Variants in MTPAP observed in about 807,000 individuals in gnomAD.
The protein encoded by MTPAP is poly(A) RNA polymerase, mitochondrial.
MTPAP carries 23 observed loss-of-function variants against 48.7 expected under a neutral mutation model. The observed-to-expected ratio is 0.47, with a 90% CI of 0.34 to 0.67. The LOEUF is 0.67. MTPAP is among the 30% of genes least tolerant of loss of function. The probability of loss-of-function intolerance (pLI) is 0.01; values close to 1 mark genes in which losing one functional copy is unlikely to be tolerated. For missense variants in MTPAP, 614 were observed against 694.3 expected, an observed-to-expected ratio of 0.88 and a Z score of 1.30; for synonymous variants, 257 against 254.1, an observed-to-expected ratio of 1.01 and a Z score of -0.11.
At chr10:30,342,111 C>T (rs1699528955) in intron 1 of MTPAP, among the ~76,000 whole-genome samples, 1 of 152,046 alleles carries the variant, frequency 6.6e-6, no homozygotes, top group African/African-American at 2.4e-5. Context: ...TGGCGCGCGC[C>T]TGTAGTCCCA....
chr10:30,328,772 G>A (rs887710997), intron 4 of MTPAP, among the ~76,000 whole-genome samples: 23 of 152,154 alleles, frequency 1.5e-4, no homozygotes, highest in African/African-American at 5.6e-4. Context: ...AGGCAACCAT[G>A]TGGCTAAAAT....
intron 1 of MTPAP, among the ~76,000 whole-genome samples, chr10:30,347,964 A>G (rs894468423): frequency 6.6e-6 from 1 of 151,602 alleles, no homozygotes; most frequent in Non-Finnish European, 1.5e-5. Flanking sequence ...TGAACTACTC[A>G]AGCTACCCTT....
chr10:30,321,268 C>T (rs1040580453), intron 6 of MTPAP, among the ~76,000 whole-genome samples: 15 of 151,790 alleles, frequency 9.9e-5, no homozygotes, highest in Non-Finnish European at 1.6e-4. Context: ...TTTCATTTTA[C>T]TTTATTTCTT....
intron 1 of MTPAP, among the ~76,000 whole-genome samples, chr10:30,343,940 T>A (rs1314493182): frequency 2.0e-5 from 3 of 152,226 alleles, no homozygotes; most frequent in African/African-American, 7.2e-5. Flanking sequence ...CAATCTCTTA[T>A]TTCAGGCCTG....
chr10:30,330,125 C>T (rs941659905), intron 4 of MTPAP, among the ~76,000 whole-genome samples: 1 of 152,104 alleles, frequency 6.6e-6, no homozygotes, highest in African/African-American at 2.4e-5. Context: ...TTAAATAAAT[C>T]ACTGTATACA....
At chr10:30,328,124 C>T (rs1347290891) in intron 4 of MTPAP, among the ~76,000 whole-genome samples, 2 of 151,688 alleles carry the variant, frequency 1.3e-5, no homozygotes, top group Non-Finnish European at 1.5e-5. Flanking sequence ...TTTAGGCAAA[C>T]GAAAGGGAGA....
intron 5 of MTPAP, among the ~76,000 whole-genome samples, chr10:30,324,318 T>C (rs1834554400): frequency 6.6e-6 from 1 of 152,142 alleles, no homozygotes; most frequent in African/African-American, 2.4e-5. Context: ...GAGACCACCC[T>C]AGGTAACATA....
chr10:30,327,760 C>G (rs1834616014), intron 4 of MTPAP, among the ~76,000 whole-genome samples: 1 of 149,936 alleles, frequency 6.7e-6, no homozygotes, highest in South Asian at 2.1e-4. Context: ...GCAAGAGAAT[C>G]ACTTGAACCT....
chr10:30,342,706 T>C (rs1834826661), intron 1 of MTPAP, among the ~76,000 whole-genome samples: 1 of 152,220 alleles, frequency 6.6e-6, no homozygotes, highest in Non-Finnish European at 1.5e-5. Flanking sequence ...TGTTTTGACA[T>C]AAGCTATTAA....
Position 30,347,345 on chromosome 10 carries a change from G to A in MTPAP, c.157+1774C>T, listed in dbSNP as rs554487036. Among the ~76,000 whole-genome samples, 16 of 152,282 alleles carry A rather than the reference G, an allele frequency of 1.1e-4. No individual in the cohort carries two copies. In the South Asian group the frequency reaches 3.1e-3, roughly 30 times the overall value. ...TAAACTGGTAATGAATCCTCACACT[G>A]AATGAAAAACTGAATTGGATATTTC... On this transcript the variant is annotated intron_variant, in intron 1 of 8. Coordinates refer to ENST00000263063, the MANE Select transcript of MTPAP (RefSeq NM_018109.4).
chr10:30,321,962 C>T (rs1044418561), intron 6 of MTPAP, among the ~76,000 whole-genome samples: 3 of 152,190 alleles, frequency 2.0e-5, no homozygotes, highest in Non-Finnish European at 4.4e-5. Context: ...ATATGCTTTT[C>T]ATTAAAAACA....
intron 3 of MTPAP, among the ~76,000 whole-genome samples, chr10:30,337,685 A>C (rs1347369394): frequency 6.6e-6 from 1 of 152,236 alleles, no homozygotes; most frequent in Non-Finnish European, 1.5e-5. Context: ...ATGAGTATAA[A>C]GTATTGTTTT....
In MTPAP at chr10:30,313,828, T is replaced by C. The variant is rs1333271933; in HGVS notation, c.1530A>G (p.Gln510=). ...DLARESAWIL[Q]QEDTDRPSIS... ...TGGAAGGTCGATCTGTATCTTCCTG[T>C]TGTAAAATCCAGGCACTTTCTCGGG... The change falls in exon 9 of 9, where the codon CAA becomes CAG. Residue 510 remains glutamine (Q), a synonymous_variant. Transcript: ENST00000263063. 3 of 1,614,102 alleles carry C rather than the reference T, an allele frequency of 1.9e-6. No homozygotes were observed. The highest frequency in any genetic ancestry group is 2.5e-6 in the Non-Finnish European group (3 of 1,180,036).
chr10:30,330,652 A>C (rs1293632886), intron 4 of MTPAP, among the ~76,000 whole-genome samples: 1 of 152,200 alleles, frequency 6.6e-6, no homozygotes, highest in East Asian at 1.9e-4. Context: ...TAGTTATTGA[A>C]GCTGCTCACC....
chr10:30,317,448 C>T (rs1264555788), intron 6 of MTPAP, among the ~76,000 whole-genome samples: 4 of 152,166 alleles, frequency 2.6e-5, no homozygotes, highest in East Asian at 1.9e-4. Context: ...AATAACAGCA[C>T]GTTAGACTCA....
intron 5 of MTPAP, among the ~76,000 whole-genome samples, chr10:30,323,469 A>AG (rs1554817497): frequency 1.3e-5 from 2 of 151,550 alleles, no homozygotes; most frequent in South Asian, 2.1e-4. Context: ...AAAAAAAAAA[A>AG]AAAAGAAATA....
chr10:30,318,927 T>C (rs976396941), intron 6 of MTPAP, among the ~76,000 whole-genome samples: 3 of 151,994 alleles, frequency 2.0e-5, no homozygotes, highest in African/African-American at 7.3e-5. Context: ...TACCAAGAGC[T>C]TGGAAACCAA....
intron 6 of MTPAP, among the ~76,000 whole-genome samples, chr10:30,319,950 T>C (rs1840702615): frequency 1.3e-5 from 2 of 152,312 alleles, no homozygotes; most frequent in South Asian, 4.1e-4. Context: ...GATGTGAACA[T>C]ATTTAAATGT....
intron 6 of MTPAP, among the ~76,000 whole-genome samples, chr10:30,320,467 A>G (rs748426483): frequency 1.3e-4 from 20 of 152,196 alleles, no homozygotes; most frequent in Non-Finnish European, 2.5e-4. Flanking sequence ...GGCTATAGTG[A>G]GCCGAGATTG....
Sources: gnomAD v4.1 joint callset for allele counts (sites outside exome capture counted in the v4.1 genomes callset) on GRCh38, gnomAD v4.1.1 for gene constraint, MANE v1.5 for transcripts, NCBI Gene and HGNC (gene_info 2026-07-23, HGNC 2026-07-21) for gene names.